Variants in TTC6 observed in about 807,000 individuals in gnomAD.
TTC6 encodes the protein tetratricopeptide repeat protein 6.
TTC6 carries 172 observed loss-of-function variants against 210.4 expected under a neutral mutation model. The ratio of observed to expected loss-of-function variants is 0.82; its 90% CI spans 0.72 to 0.93. TTC6 has a LOEUF of 0.93. Among genes scored for constraint, TTC6 ranks in the 40% least tolerant of loss-of-function variants. The pLI is 0.00. For missense variants in TTC6, 2,414 were observed against 2,318.1 expected (o/e 1.04, Z -0.85); for synonymous variants, 804 against 819.6 (o/e 0.98, Z 0.32).
intron 1 of TTC6, among the ~76,000 whole-genome samples, chr14:37,670,596 G>A (rs12147674): frequency 0.058 from 8,656 of 150,076 alleles, 382 homozygotes; most frequent in Non-Finnish European, 0.089. Context: ...TCAGCCTTCC[G>A]AGTAGCTGGG....
intron 2 of TTC6, among the ~76,000 whole-genome samples, 181 bp from the exon 5 acceptor site, chr14:37,682,577 A>C (rs1423940748): frequency 6.6e-6 from 1 of 152,076 alleles, no homozygotes; most frequent in Non-Finnish European, 1.5e-5. Flanking sequence ...CAGCCTTGAC[A>C]TTTTTCTTAA....
intron 2 of TTC6, among the ~76,000 whole-genome samples, chr14:37,612,859 A>C (rs1325049298): frequency 1.3e-5 from 2 of 152,044 alleles, no homozygotes; most frequent in African/African-American, 4.8e-5. Flanking sequence ...TGATACTTTC[A>C]CTCTTAGTAC....
At chr14:37,644,199 C>T (rs530951712) in intron 1 of TTC6, among the ~76,000 whole-genome samples, 20 of 152,030 alleles carry the variant, frequency 1.3e-4, no homozygotes, top group Admixed American at 4.6e-4. Context: ...ATCAGAAAAC[C>T]CAAAGTAATA....
In TTC6 at chr14:37,714,610, G is replaced by T. The variant is rs1165357543; in HGVS notation, c.1572-45G>T. The T allele has an allele frequency of 1.1e-5, 17 of 1,494,684 alleles. No individual in the cohort carries two copies. In the East Asian group the frequency reaches 3.7e-4, roughly 33 times the overall value. The allele number at this position is 1,494,684 out of a possible 1,614,324, so 92.6% of individuals were successfully genotyped here. Reference sequence around the variant, plus strand: ...AATGAGGGCAAACACCTTATACTTTGTCAATTACTTAAAAAGCAAACTTAT... The same window carrying T: ...AATGAGGGCAAACACCTTATACTTTTTCAATTACTTAAAAAGCAAACTTAT... On this transcript the variant is annotated intron_variant, in intron 5 of 30. Coordinates refer to ENST00000553443, the Ensembl canonical transcript of TTC6.
chr14:37,758,840 T>C (rs2095975462), intron 14 of TTC6, among the ~76,000 whole-genome samples: 1 of 152,186 alleles, frequency 6.6e-6, no homozygotes, highest in Non-Finnish European at 1.5e-5. Context: ...TTCCTTTCCA[T>C]GTTTAGTGCT....
At chr14:37,665,345 CAGGG>C in intron 1 of TTC6, among the ~76,000 whole-genome samples, 1 of 150,562 alleles carries the variant, frequency 6.6e-6, no homozygotes, top group Middle Eastern at 3.4e-3. Flanking sequence ...ATCTCCTTTG[CAGGG>C]ACATGGATGG....
chr14:37,824,431 C>T (rs2096165623), intron 27 of TTC6, among the ~76,000 whole-genome samples: 1 of 152,110 alleles, frequency 6.6e-6, no homozygotes, highest in Non-Finnish European at 1.5e-5. Flanking sequence ...AGAGGGATTT[C>T]CAAGGCAGCT....
intron 29 of TTC6, among the ~76,000 whole-genome samples, chr14:37,832,783 C>G (rs7142469): frequency 0.89 from 134,735 of 152,026 alleles, 60,258 homozygotes; most frequent in Non-Finnish European, 0.95. Flanking sequence ...ATTCTGGCCA[C>G]GCGCGGTGGC....
chr14:37,680,389 G>C (rs1403106138), intron 2 of TTC6, 128 bp downstream of exon 4: 1 of 618,030 alleles, frequency 1.6e-6, no homozygotes, highest in Non-Finnish European at 2.7e-6. Flanking sequence ...TTACCTGTGA[G>C]AGCATCTAAC....
Position 37,694,144 on chromosome 14 carries a change from G to A in TTC6, c.1258-2573G>A, listed in dbSNP as rs371039654. ...AGTTAAAAAGCTTTTGCACACCAAA[G>A]GATACAATCAGTAAAGTGAAGAGAC... On this transcript the variant is annotated intron_variant, in intron 3 of 30. Coordinates refer to ENST00000553443, the Ensembl canonical transcript of TTC6. 3.6e-4 allele frequency among the ~76,000 whole-genome samples: 55 copies of A among 152,146 alleles called. No individual in the cohort carries two copies. The East Asian group carries it at 8.7e-3, about 24-fold the overall frequency.
chr14:37,766,353 T>C (rs768738081), intron 14 of TTC6, among the ~76,000 whole-genome samples: 5 of 152,190 alleles, frequency 3.3e-5, no homozygotes, highest in Non-Finnish European at 5.9e-5. Flanking sequence ...TTTTGTTCCT[T>C]AGCCTCCCTC....
At chr14:37,749,229 A>T in exon 11 of TTC6, 3 of 1,530,162 alleles carry the variant, frequency 2.0e-6, no homozygotes, top group Non-Finnish European at 2.6e-6. Context: ...TTAAATGATT[A>T]TGTGGAGTCT....
rs554264355 is a variant in TTC6 at position 37,693,599 on chromosome 14, AAAAC to A, written c.1258-3107_1258-3104del. Among the ~76,000 whole-genome samples, 370 of 152,222 alleles carry A rather than the reference AAAAC, an allele frequency of 2.4e-3. 3 individuals carry two copies. The highest frequency in any genetic ancestry group is 4.1e-3 in the Non-Finnish European group (280 of 67,996). On this transcript the variant is annotated intron_variant, in intron 3 of 30. Transcript: ENST00000553443. ...AACAAAAACAAAAACCATACAAAACAAAACAAACAAACAACGACAACAAAAAACA... is the reference window on the plus strand; with the variant it reads ...AACAAAAACAAAAACCATACAAAACAAAACAAACAACGACAACAAAAAACA...
chr14:37,753,026 G>T, intron 13 of TTC6, 73 bp from the exon 16 acceptor site: 1 of 1,161,872 alleles, frequency 8.6e-7, no homozygotes, highest in Non-Finnish European at 1.1e-6. Flanking sequence ...CATAGTTTTA[G>T]ATCACTTATG....
At chr14:37,615,813 G>C (rs751939988) in intron 2 of TTC6, among the ~76,000 whole-genome samples, 3 of 152,000 alleles carry the variant, frequency 2.0e-5, no homozygotes, top group Middle Eastern at 6.8e-3. Context: ...ATTGAGCATG[G>C]TTATAAGAGT....
chr14:37,630,907 GTTTTTTTTTTTTTTTTTTTTTTT>G (rs746429138), intron 1 of TTC6, among the ~76,000 whole-genome samples: 21 of 33,068 alleles, frequency 6.4e-4, no homozygotes, highest in Middle Eastern at 0.021. Context: ...GGCAACCCCT[GTTTTTTTTTTTTTTTTTTTTTTT>G]TTTTTTTTTT....
intron 14 of TTC6, among the ~76,000 whole-genome samples, chr14:37,762,322 A>G (rs761961225): frequency 6.6e-6 from 1 of 152,160 alleles, no homozygotes; most frequent in South Asian, 2.1e-4. Flanking sequence ...ACTGATTTCA[A>G]ATACTTTGGA....
chr14:37,623,668 TA>T (rs1228665986), intron 1 of TTC6, among the ~76,000 whole-genome samples: 4 of 152,086 alleles, frequency 2.6e-5, no homozygotes, highest in Middle Eastern at 3.2e-3. Context: ...TTAGTGAAGT[TA>T]AAAAAGATTG....
At chr14:37,828,555 A>G (rs548864260) in intron 29 of TTC6, among the ~76,000 whole-genome samples, 1 of 152,162 alleles carries the variant, frequency 6.6e-6, no homozygotes, top group African/African-American at 2.4e-5. Flanking sequence ...TGTTAAGTAT[A>G]TACTGAAATG....
Sources: allele counts gnomAD v4.1 joint callset (sites outside exome capture counted in the v4.1 genomes callset), GRCh38; gene constraint gnomAD v4.1.1; transcripts MANE v1.5; gene names NCBI Gene and HGNC (gene_info 2026-07-23, HGNC 2026-07-21).